Variants in EYA3 observed in about 807,000 individuals in gnomAD.
EYA3 encodes protein phosphatase EYA3.
EYA3 carries 39 observed loss-of-function variants against 80.0 expected under a neutral mutation model. The ratio of observed to expected loss-of-function variants is 0.49; its 90% confidence interval spans 0.38 to 0.64. The LOEUF (loss-of-function observed/expected upper bound fraction) is 0.64, where lower values mean the gene tolerates loss of function less well. Among genes scored for constraint, EYA3 ranks in the 30% least tolerant of loss-of-function variants. The pLI is 0.00. For missense variants in EYA3, 523 were observed against 676.1 expected (o/e 0.77, Z 2.51); for synonymous variants, 206 against 232.8 (o/e 0.88, Z 1.05).
chr1:28,003,840 T>C (rs1459933813), intron 11 of EYA3, among the ~76,000 whole-genome samples: 1 of 152,124 alleles, frequency 6.6e-6, no homozygotes, highest in Admixed American at 6.6e-5. Flanking sequence ...ATATGTACAC[T>C]GAAGATATAA....
intron 1 of EYA3, among the ~76,000 whole-genome samples, chr1:28,077,816 T>A (rs888880490): frequency 6.6e-6 from 1 of 152,228 alleles, no homozygotes; most frequent in Non-Finnish European, 1.5e-5. Flanking sequence ...TGCTTCCAGT[T>A]ATACAAAGTT....
At chr1:28,004,184 C>T in intron 11 of EYA3, 152 bp downstream of exon 11, 1 of 532,092 alleles carries the variant, frequency 1.9e-6, no homozygotes, top group Non-Finnish European at 3.4e-6. Flanking sequence ...CTGCCTAATA[C>T]AAGCCATTTG....
chr1:28,011,501 A>G (rs928215650), intron 9 of EYA3, among the ~76,000 whole-genome samples: 1 of 152,178 alleles, frequency 6.6e-6, no homozygotes, highest in African/African-American at 2.4e-5. Context: ...GCATCTACCC[A>G]CTAGATGCCA....
intron 14 of EYA3, among the ~76,000 whole-genome samples, chr1:27,990,840 C>T (rs1018259568): frequency 4.6e-5 from 7 of 151,334 alleles, no homozygotes; most frequent in Admixed American, 1.3e-4. Flanking sequence ...TGTGAGCCAC[C>T]GTGCCTGGCA....
intron 1 of EYA3, among the ~76,000 whole-genome samples, chr1:28,080,694 G>C (rs1316025708): frequency 6.6e-6 from 1 of 151,152 alleles, no homozygotes; most frequent in East Asian, 1.9e-4. Flanking sequence ...AAAAAGGGAA[G>C]AAAATAACCA....
At chr1:28,021,509 C>G (rs1260191805) in intron 7 of EYA3, among the ~76,000 whole-genome samples, 3 of 152,068 alleles carry the variant, frequency 2.0e-5, no homozygotes, top group Non-Finnish European at 4.4e-5. Context: ...CAGCATCTAG[C>G]AAAGCACCTG....
In EYA3 at chr1:28,002,022, T is replaced by C. The variant is rs1264297718; in HGVS notation, c.994-1973A>G. 1.3e-5 allele frequency among the ~76,000 whole-genome samples: 2 copies of C among 151,904 alleles called. 1 individual carries two copies. Among genetic ancestry groups the C allele is most frequent in the South Asian group, 4.2e-4 (2 of 4,806 alleles). On this transcript the variant is annotated intron_variant, in intron 11 of 17. Transcript: ENST00000373871. ...CCTCCGCCTCCCAGGTTCAAGCGAT[T>C]CTCCTGCCTCATCCTCTCTAGTAGC... is the stretch of plus-strand genomic sequence containing the variant.
intron 10 of EYA3, among the ~76,000 whole-genome samples, chr1:28,007,142 G>C (rs933092769): frequency 6.6e-6 from 1 of 151,332 alleles, no homozygotes; most frequent in Non-Finnish European, 1.5e-5. Context: ...GTAGAGACAG[G>C]GTTTTGCCAC....
intron 2 of EYA3, among the ~76,000 whole-genome samples, chr1:28,054,647 C>T (rs545846803): frequency 3.9e-4 from 60 of 152,130 alleles, no homozygotes; most frequent in African/African-American, 1.4e-3. Context: ...CTGCTTGAGC[C>T]CAGGAGTTCG....
chr1:28,011,526 C>T (rs1175456330), intron 9 of EYA3, among the ~76,000 whole-genome samples: 1 of 152,164 alleles, frequency 6.6e-6, no homozygotes, highest in Non-Finnish European at 1.5e-5. Flanking sequence ...CACCGCCCCA[C>T]CTAGTGTAAC....
At chr1:28,033,604 A>T (rs946851315) in intron 6 of EYA3, among the ~76,000 whole-genome samples, 13 of 150,974 alleles carry the variant, frequency 8.6e-5, no homozygotes, top group Non-Finnish European at 1.3e-4. Context: ...TTTAATAGAG[A>T]TCTATTTACT....
intron 6 of EYA3, among the ~76,000 whole-genome samples, chr1:28,032,946 T>C (rs1243518281): frequency 6.6e-6 from 1 of 152,240 alleles, no homozygotes; most frequent in Admixed American, 6.5e-5. Flanking sequence ...TTTGGGCACA[T>C]GATTTAACTC....
At chr1:28,026,450 TA>T (rs1172233755) in intron 7 of EYA3, among the ~76,000 whole-genome samples, 1 of 151,978 alleles carries the variant, frequency 6.6e-6, no homozygotes, top group Admixed American at 6.6e-5. Flanking sequence ...ATCCCACCTC[TA>T]AAAAAATATA....
At chr1:28,059,647 C>CATT (rs1046778332) in intron 1 of EYA3, among the ~76,000 whole-genome samples, 1 of 151,656 alleles carries the variant, frequency 6.6e-6, no homozygotes, top group African/African-American at 2.4e-5. Flanking sequence ...TATTTCATCC[C>CATT]ATTAGAAACA....
chr1:28,024,110 G>A (rs998730516), intron 7 of EYA3, among the ~76,000 whole-genome samples: 2 of 152,024 alleles, frequency 1.3e-5, no homozygotes, highest in Non-Finnish European at 2.9e-5. Context: ...ATGGTGGCAT[G>A]TGCCTGTAAT....
chr1:28,025,097 GA>G (rs1642695206), intron 7 of EYA3, among the ~76,000 whole-genome samples: 1 of 152,174 alleles, frequency 6.6e-6, no homozygotes, highest in Admixed American at 6.5e-5. Context: ...ATGCTAAAAG[GA>G]AAGGGAAAAG....
intron 6 of EYA3, among the ~76,000 whole-genome samples, chr1:28,033,890 C>T (rs1244951225): frequency 6.6e-6 from 1 of 151,196 alleles, no homozygotes; most frequent in Non-Finnish European, 1.5e-5. Context: ...GAACTCCCGG[C>T]CTCAAGAGAT....
At chr1:28,062,837 T>C (rs1008758952) in intron 1 of EYA3, among the ~76,000 whole-genome samples, 3 of 151,866 alleles carry the variant, frequency 2.0e-5, no homozygotes, top group African/African-American at 7.3e-5. Context: ...TCTGTCTCTC[T>C]TAAAAATACA....
rs146552658 is a variant in EYA3, at chr1:28,055,904, C to G, written c.33+2090G>C. On this transcript the variant is annotated intron_variant, in intron 2 of 17. Coordinates refer to ENST00000373871, the MANE Select transcript of EYA3 (RefSeq NM_001990.4). ...ATAATAACGACCATCAGTAACATCT[C>G]TAGGATTAAAAATATTGGCTTTATC... Among the ~76,000 whole-genome samples the G allele has an allele frequency of 4.6e-3, 696 of 152,184 alleles. 11 individuals carry two copies. The highest frequency in any genetic ancestry group is 6.4e-3 in the Non-Finnish European group (432 of 68,010).
Sources: allele counts gnomAD v4.1 joint callset (sites outside exome capture counted in the v4.1 genomes callset), GRCh38; gene constraint gnomAD v4.1.1; transcripts MANE v1.5; gene names NCBI Gene and HGNC (gene_info 2026-07-23, HGNC 2026-07-21).